Variants in OSBPL6 observed in about 807,000 individuals in gnomAD.
OSBPL6 encodes oxysterol-binding protein-related protein 6.
A neutral mutation model predicts 125.8 loss-of-function variants in OSBPL6; 49 were observed. That is an observed-to-expected ratio of 0.39 (90% CI 0.31 to 0.49). The LOEUF is 0.49. OSBPL6 is among the 20% of genes least tolerant of loss of function. The probability of loss-of-function intolerance (pLI) is 0.88; values close to 1 mark genes in which losing one functional copy is unlikely to be tolerated. For missense variants in OSBPL6, 986 were observed against 1,135.4 expected (o/e 0.87, Z 1.89); for synonymous variants, 394 against 391.8 (o/e 1.01, Z -0.07).
At chr2:178,324,058 A>T in intron 3 of OSBPL6, 119 bp from the exon 4 acceptor site, 1 of 565,434 alleles carries the variant, frequency 1.8e-6, no homozygotes, top group Non-Finnish European at 2.9e-6. Flanking sequence ...CTTTTCAGGA[A>T]CTTGCCATTT....
chr2:178,286,096 G>A, intron 2 of OSBPL6, among the ~76,000 whole-genome samples: 1 of 152,114 alleles, frequency 6.6e-6, no homozygotes, highest in Non-Finnish European at 1.5e-5. Flanking sequence ...TAGCCCACAG[G>A]CCAAATTTTT....
chr2:178,237,873 T>A (rs1031168528), intron 1 of OSBPL6, among the ~76,000 whole-genome samples: 1 of 152,160 alleles, frequency 6.6e-6, no homozygotes, highest in African/African-American at 2.4e-5. Flanking sequence ...CTCATTCCCA[T>A]CACTACAAGC....
chr2:178,276,468 G>C (rs1181545147), intron 1 of OSBPL6, among the ~76,000 whole-genome samples: 3 of 151,200 alleles, frequency 2.0e-5, no homozygotes, highest in Non-Finnish European at 2.9e-5. Context: ...TGCCTGCCGG[G>C]TTCAAGTGAT....
intron 11 of OSBPL6, among the ~76,000 whole-genome samples, chr2:178,343,572 A>G (rs575870706): frequency 6.6e-6 from 1 of 152,248 alleles, no homozygotes; most frequent in African/African-American, 2.4e-5. Flanking sequence ...ACATTACTAA[A>G]TGAAAACTAT....
chr2:178,226,083 G>C (rs930299255), intron 1 of OSBPL6, among the ~76,000 whole-genome samples: 4 of 152,212 alleles, frequency 2.6e-5, no homozygotes, highest in African/African-American at 7.2e-5. Flanking sequence ...AGCAGCAAGG[G>C]AGGAAGCTGT....
At chr2:178,225,756 G>A (rs754543028) in intron 1 of OSBPL6, among the ~76,000 whole-genome samples, 6 of 152,206 alleles carry the variant, frequency 3.9e-5, no homozygotes, top group East Asian at 1.9e-4. Context: ...AGAAACTCCC[G>A]TTTTTAAAAC....
At chr2:178,344,982 G>A (rs1282590269) in intron 11 of OSBPL6, among the ~76,000 whole-genome samples, 1 of 152,096 alleles carries the variant, frequency 6.6e-6, no homozygotes. Context: ...TCCATATCTA[G>A]AGGTTTTTTT....
chr2:178,225,584 A>G (rs1373010728), intron 1 of OSBPL6, among the ~76,000 whole-genome samples: 1 of 152,198 alleles, frequency 6.6e-6, no homozygotes, highest in Non-Finnish European at 1.5e-5. Flanking sequence ...GTTTGTTTCC[A>G]TGCTGCTGAT....
rs1297732898 is a variant in OSBPL6 at position 178,382,434 on chromosome 2, G to T, written c.1548G>T (p.Glu516Asp). Residue 516 changes from glutamate (E) to aspartate (D), a missense_variant, in exon 16 of 25, where the codon GAG becomes GAT. By Grantham distance (45) the Glu-to-Asp change is conservative (BLOSUM62 2). This residue lies in a region of OSBPL6 where 843 missense variants were observed against 997.3 expected (regional missense o/e 0.85). Transcript: ENST00000190611. ...CCCTTCCTTAGGCTTCAGATGATGA[G>T]TCTTACATCAGTGATGTGAGTGATA... ...SSSENEASDD[E>D]SYISDVSDNI... 1.9e-6 allele frequency: 3 copies of T among 1,611,898 alleles called. No homozygotes were observed. The highest frequency in any genetic ancestry group is 2.5e-6 in the Non-Finnish European group (3 of 1,178,916).
intron 3 of OSBPL6, among the ~76,000 whole-genome samples, chr2:178,316,381 T>C (rs2154067741): frequency 6.6e-6 from 1 of 152,332 alleles, no homozygotes; most frequent in African/African-American, 2.4e-5. Context: ...AAAGTATTTT[T>C]ATAGTGGTAA....
chr2:178,296,286 C>T (rs138015259), intron 2 of OSBPL6, among the ~76,000 whole-genome samples: 2 of 152,264 alleles, frequency 1.3e-5, no homozygotes, highest in East Asian at 3.9e-4. Flanking sequence ...TTAGCACTGC[C>T]ATTTCCCAAG....
chr2:178,225,103 G>A (rs1231343560), intron 1 of OSBPL6, among the ~76,000 whole-genome samples: 1 of 151,750 alleles, frequency 6.6e-6, no homozygotes, highest in Non-Finnish European at 1.5e-5. Context: ...ATGACAGGTG[G>A]CAGTGTTTTA....
intron 2 of OSBPL6, among the ~76,000 whole-genome samples, chr2:178,302,937 G>A (rs953087435): frequency 2.0e-5 from 3 of 152,122 alleles, no homozygotes; most frequent in African/African-American, 7.2e-5. Flanking sequence ...GCACTTGAAC[G>A]CATCACAAAA....
At chr2:178,206,035 C>A (rs1381232896) in intron 1 of OSBPL6, among the ~76,000 whole-genome samples, 4 of 152,082 alleles carry the variant, frequency 2.6e-5, no homozygotes. Flanking sequence ...TTGAGCCTAC[C>A]CAATATGCTG....
intron 8 of OSBPL6, 129 bp from the exon 9 acceptor site, chr2:178,336,172 G>A: frequency 2.5e-6 from 3 of 1,196,004 alleles, no homozygotes; most frequent in Non-Finnish European, 3.5e-6. Context: ...TAGCCAAGAG[G>A]CTTCTTCCAT....
intron 12 of OSBPL6, among the ~76,000 whole-genome samples, chr2:178,349,701 C>T (rs913896507): frequency 2.0e-5 from 3 of 152,046 alleles, no homozygotes; most frequent in African/African-American, 4.8e-5. Context: ...TCATTTAATA[C>T]GTATTTATTG....
chr2:178,228,306 T>G (rs578141166), intron 1 of OSBPL6, among the ~76,000 whole-genome samples: 3 of 152,230 alleles, frequency 2.0e-5, no homozygotes, highest in East Asian at 1.9e-4. Flanking sequence ...GAGGCCAAGG[T>G]GGGCATATCA....
chr2:178,313,248 T>C (rs1163841742), intron 3 of OSBPL6, among the ~76,000 whole-genome samples: 2 of 152,228 alleles, frequency 1.3e-5, no homozygotes, highest in African/African-American at 4.8e-5. Context: ...CTGAGGCATT[T>C]TCAGTAGTTC....
intron 13 of OSBPL6, among the ~76,000 whole-genome samples, chr2:178,371,533 G>A (rs535255062): frequency 6.6e-6 from 1 of 152,272 alleles, no homozygotes; most frequent in East Asian, 1.9e-4. Context: ...ACACTGTTGA[G>A]TGAAGACACC....
Sources: gnomAD v4.1 joint callset for allele counts (sites outside exome capture counted in the v4.1 genomes callset) on GRCh38, gnomAD v4.1.1 for gene constraint, gnomAD v4.1.1 regional missense constraint, MANE v1.5 for transcripts, NCBI Gene and HGNC (gene_info 2026-07-23, HGNC 2026-07-21) for gene names.